Variants in IPO8 observed in about 807,000 individuals in gnomAD.
IPO8 encodes importin-8.
In IPO8, 65 loss-of-function variants were observed where a neutral mutation model predicts 141.2. That is an observed-to-expected ratio of 0.46 (90% CI 0.38 to 0.57). IPO8 has a LOEUF of 0.57. IPO8 is among the 20% of genes least tolerant of loss of function. The pLI is 0.00. For missense variants in IPO8, 980 were observed against 1,246.8 expected, an observed-to-expected ratio of 0.79 and a Z score of 3.22; for synonymous variants, 411 against 420.3, an observed-to-expected ratio of 0.98 and a Z score of 0.27.
At position 30,680,204 on chromosome 12, in the gene IPO8, C is replaced by T. The variant is rs530852817; in HGVS notation, c.639+278G>A. 1.2e-4 allele frequency among the ~76,000 whole-genome samples: 18 copies of T among 152,124 alleles called. No homozygotes were observed. In the South Asian group the frequency reaches 3.5e-3, roughly 30 times the overall value. ...AGGAATGCTACAGAACAGATAGTTG[C>T]GAGTAATCAGGTTTTAGAGCAGGTA... On this transcript the variant is annotated intron_variant, in intron 5 of 24. Coordinates refer to ENST00000256079, the MANE Select transcript of IPO8 (RefSeq NM_006390.4).
At chr12:30,646,108 C>T (rs973185024) in intron 20 of IPO8, among the ~76,000 whole-genome samples, 6 of 152,206 alleles carry the variant, frequency 3.9e-5, no homozygotes, top group Non-Finnish European at 7.4e-5. Context: ...CACAAAAATA[C>T]TTTTTAAAAA....
chr12:30,680,394 T>G, intron 5 of IPO8, 88 bp downstream of exon 5: 1 of 1,009,228 alleles, frequency 9.9e-7, no homozygotes, highest in South Asian at 1.8e-5. Flanking sequence ...AAAATAATTT[T>G]TAATAATAAG....
At position 30,636,988 on chromosome 12, in the gene IPO8, C is replaced by T. The variant is rs768232172; in HGVS notation, c.2689G>A (p.Glu897Lys). ...TTCAATTAGAAGACTTTACCATTTTCTTCCATATCAGCTTTCTCTGCTTTT... is the reference window on the plus strand; with the variant it reads ...TTCAATTAGAAGACTTTACCATTTTTTTCCATATCAGCTTTCTCTGCTTTT... ...RSKAEKADME[E>K]NEEISSDEEE... Residue 897 changes from glutamate (E) to lysine (K), a missense_variant, in exon 22 of 25, where the codon GAA (glutamate) becomes AAA (lysine). Around this residue, in one of 3 missense-constraint regions of IPO8, gnomAD observed 924 missense variants for 1,153.9 expected, o/e 0.80. Transcript: ENST00000256079. 3 of 1,613,096 alleles carry T rather than the reference C, an allele frequency of 1.9e-6. No homozygotes were observed. Among genetic ancestry groups the T allele is most frequent in the Non-Finnish European group, 2.5e-6 (3 of 1,179,170 alleles).
At chr12:30,665,088 C>A in intron 13 of IPO8, 132 bp downstream of exon 13, 1 of 612,530 alleles carries the variant, frequency 1.6e-6, no homozygotes, top group African/African-American at 1.9e-5. Flanking sequence ...CTGATGTGAC[C>A]ATAGGCAGAC....
Position 30,649,227 on chromosome 12 carries a change from T to C in IPO8, c.2178A>G (p.Leu726=), listed in dbSNP as rs1364320769. The change falls in exon 20 of 25, where the codon CTA becomes CTG. Residue 726 remains leucine (L), a synonymous_variant. Coordinates refer to ENST00000256079, the MANE Select transcript of IPO8 (RefSeq NM_006390.4). The part of the protein sequence containing the change: ...EILFTMCRKV[L]CGDAGEDAEC... Reference sequence around the variant, plus strand: ...CTGCATCTTCTCCTGCATCTCCACATAGTACCTGCAGTAATTACAATTTAG... The same window carrying C: ...CTGCATCTTCTCCTGCATCTCCACACAGTACCTGCAGTAATTACAATTTAG... 6.2e-7 allele frequency: 1 copy of C among 1,610,990 alleles called. No individual in the cohort carries two copies. Among genetic ancestry groups the C allele is most frequent in the Non-Finnish European group, 8.5e-7 (1 of 1,177,608 alleles).
chr12:30,684,282 A>T lies in IPO8; in HGVS notation c.323+19T>A. ...CATTTCATGCTTTCTAGTAATCACAAATATATAGCACCACATACCTCACTA... is the reference window on the plus strand; with the variant it reads ...CATTTCATGCTTTCTAGTAATCACATATATATAGCACCACATACCTCACTA... On this transcript the variant is annotated intron_variant, in intron 3 of 24. Coordinates refer to ENST00000256079, the MANE Select transcript of IPO8 (RefSeq NM_006390.4). 1 of 1,611,062 alleles carries T rather than the reference A, an allele frequency of 6.2e-7. No individual in the cohort carries two copies. Among genetic ancestry groups the T allele is most frequent in the Non-Finnish European group, 8.5e-7 (1 of 1,177,978 alleles).
Position 30,670,983 on chromosome 12 carries a change from C to T in IPO8, c.1023G>A (p.Lys341=). 1 of 1,613,704 alleles carries T rather than the reference C, an allele frequency of 6.2e-7. No homozygotes were observed. The highest frequency in any genetic ancestry group is 8.5e-7 in the Non-Finnish European group (1 of 1,179,734). ...TAACCTGTATGTGTGGCTTCATCTG[C>T]TTCCAGGTTATAGAATGAACCACCC... The part of the protein sequence containing the change: ...NQGVVHSITW[K]QMKPHIQNIS... The change falls in exon 9 of 25, where the codon AAG becomes AAA. Residue 341 remains lysine, a synonymous_variant. Transcript: ENST00000256079.
At chr12:30,659,884 CA>C (rs1230895949) in intron 16 of IPO8, among the ~76,000 whole-genome samples, 14 of 136,288 alleles carry the variant, frequency 1.0e-4, no homozygotes, top group South Asian at 4.7e-4. Context: ...CCCACAAAAT[CA>C]AAAAAAAAAC....
chr12:30,631,705 G>A, intron 24 of IPO8, 190 bp downstream of exon 24: 1 of 504,366 alleles, frequency 2.0e-6, no homozygotes, highest in Middle Eastern at 5.5e-4. Flanking sequence ...TTAATGTGCA[G>A]GTTTTTGCAA....
chr12:30,690,952 T>C (rs2053286015), intron 1 of IPO8, among the ~76,000 whole-genome samples: 1 of 152,206 alleles, frequency 6.6e-6, no homozygotes, highest in South Asian at 2.1e-4. Context: ...TTTTCTCTAT[T>C]ACTAAGGAGG....
intron 19 of IPO8, 79 bp from the exon 20 acceptor site, chr12:30,649,311 T>C: frequency 3.1e-6 from 3 of 964,512 alleles, no homozygotes; most frequent in Non-Finnish European, 4.7e-6. Flanking sequence ...AAATGTCCCA[T>C]ATAAATTCAG....
At chr12:30,686,822 AT>A (rs1213955464) in intron 2 of IPO8, among the ~76,000 whole-genome samples, 1 of 152,112 alleles carries the variant, frequency 6.6e-6, no homozygotes, top group Non-Finnish European at 1.5e-5. Flanking sequence ...ATTAATATTA[AT>A]TTTATAAATG....
At chr12:30,648,101 C>T (rs1194900633) in intron 20 of IPO8, among the ~76,000 whole-genome samples, 1 of 152,138 alleles carries the variant, frequency 6.6e-6, no homozygotes, top group African/African-American at 2.4e-5. Context: ...GAAATGAAAA[C>T]ATATTCACAC....
intron 5 of IPO8, chr12:30,676,928 C>A (rs980610032): frequency 2.0e-6 from 3 of 1,532,226 alleles, no homozygotes; most frequent in African/African-American, 2.7e-5. Context: ...ATTTTAACCA[C>A]CTTGATGAAA....
Position 30,639,746 on chromosome 12 carries a change from A to G in IPO8, c.2269-11T>C, listed in dbSNP as rs759367696. 1 of 1,604,384 alleles carries G rather than the reference A, an allele frequency of 6.2e-7. No homozygotes were observed. The highest frequency in any genetic ancestry group is 8.5e-7 in the Non-Finnish European group (1 of 1,171,778). ...GAAGAGTGGAATGCACTAGAAGACA[A>G]GCAAAAGAAAGTCAACCACACAGAC... On this transcript the variant is annotated splice_polypyrimidine_tract_variant and intron_variant, in intron 20 of 24. Coordinates refer to ENST00000256079, the MANE Select transcript of IPO8 (RefSeq NM_006390.4).
rs761697090 is a variant in IPO8 at position 30,681,826 on chromosome 12, T to C, written c.324-9A>G. ...ACATTGTTAATTGGACTCTACAAAGTAGGGAAGAAAAGTCCAAAATCTAAG... is the reference window on the plus strand; with the variant it reads ...ACATTGTTAATTGGACTCTACAAAGCAGGGAAGAAAAGTCCAAAATCTAAG... On this transcript the variant is annotated splice_polypyrimidine_tract_variant and intron_variant, in intron 3 of 24. Coordinates refer to ENST00000256079, the MANE Select transcript of IPO8 (RefSeq NM_006390.4). 1.3e-6 allele frequency: 2 copies of C among 1,599,958 alleles called. No individual in the cohort carries two copies. The highest frequency in any genetic ancestry group is 1.7e-6 in the Non-Finnish European group (2 of 1,173,538).
chr12:30,636,493 T>C (rs908164209), intron 22 of IPO8, among the ~76,000 whole-genome samples: 3 of 152,088 alleles, frequency 2.0e-5, no homozygotes, highest in Admixed American at 1.3e-4. Context: ...AAATCACAAA[T>C]ATGGACGTCT....
At chr12:30,694,172 T>C (rs2053316549) in intron 1 of IPO8, among the ~76,000 whole-genome samples, 2 of 152,218 alleles carry the variant, frequency 1.3e-5, no homozygotes, top group Non-Finnish European at 2.9e-5. Flanking sequence ...GCTCCTGCTT[T>C]GTTCTTCCTA....
At chr12:30,680,886 T>C (rs895773860) in intron 4 of IPO8, among the ~76,000 whole-genome samples, 3 of 152,156 alleles carry the variant, frequency 2.0e-5, no homozygotes, top group African/African-American at 7.2e-5. Context: ...CGAGACCATT[T>C]TGCAGTTTTC....
Sources: gnomAD v4.1 joint callset for allele counts (sites outside exome capture counted in the v4.1 genomes callset) on GRCh38, gnomAD v4.1.1 for gene constraint, gnomAD v4.1.1 regional missense constraint, MANE v1.5 for transcripts, NCBI Gene and HGNC (gene_info 2026-07-23, HGNC 2026-07-21) for gene names.